CHAF1B: variants seen among roughly 807,000 people sequenced by gnomAD.
CHAF1B encodes the protein CAF-1 subunit B.
CHAF1B carries 10 observed loss-of-function variants against 60.7 expected under a neutral mutation model. The ratio of observed to expected loss-of-function variants is 0.16; its 90% CI spans 0.10 to 0.28. CHAF1B has a LOEUF of 0.28. CHAF1B is among the 10% of genes least tolerant of loss of function. The pLI, the probability that CHAF1B is intolerant of heterozygous loss-of-function variation, is 1.00. For missense variants in CHAF1B, 558 were observed against 708.4 expected (o/e 0.79, Z 2.41); for synonymous variants, 261 against 266.1 (o/e 0.98, Z 0.19).
At position 36,400,659 on chromosome 21, in the gene CHAF1B, G is replaced by A. The variant is rs562075255; in HGVS notation, c.663+1054G>A. Among the ~76,000 whole-genome samples the A allele has an allele frequency of 3.9e-5, 6 of 152,212 alleles. No individual in the cohort carries two copies. In the South Asian group the frequency reaches 6.2e-4, roughly 16 times the overall value. The stretch of plus-strand genomic sequence containing the variant: ...GCAACAGAAGACAGGCAGGTCGAGC[G>A]TTGGATCTGTCTGGCAGCAGGCAGT... On this transcript the variant is annotated intron_variant, in intron 7 of 13. Coordinates refer to ENST00000314103, the MANE Select transcript of CHAF1B (RefSeq NM_005441.3).
At chr21:36,401,628 A>G (rs1181221402) in intron 7 of CHAF1B, among the ~76,000 whole-genome samples, 3 of 138,848 alleles carry the variant, frequency 2.2e-5, no homozygotes, top group Admixed American at 7.9e-5. Flanking sequence ...ATATTTTTAT[A>G]TTATATATAA....
At chr21:36,415,684 A>T (rs1451376293) in intron 13 of CHAF1B, 1 of 467,754 alleles carries the variant, frequency 2.1e-6, no homozygotes, top group Admixed American at 3.2e-5. Flanking sequence ...GTTGTGGAGG[A>T]CTGTCCTGTG....
At chr21:36,388,286 C>A (rs2086052384) in intron 3 of CHAF1B, among the ~76,000 whole-genome samples, 1 of 152,114 alleles carries the variant, frequency 6.6e-6, no homozygotes, top group Non-Finnish European at 1.5e-5. Flanking sequence ...CAAGCTCCCA[C>A]CAGGCTGTTC....
Position 36,399,549 on chromosome 21 carries a change from A to C in CHAF1B, c.607A>C (p.Lys203Gln). 6.2e-7 allele frequency: 1 copy of C among 1,614,148 alleles called. No individual in the cohort carries two copies. The highest frequency in any genetic ancestry group is 8.5e-7 in the Non-Finnish European group (1 of 1,179,988). Residue 203 changes from lysine (K) to glutamine (Q), a missense_variant, in exon 7 of 14, where the codon AAG becomes CAG. Physicochemically the swap from Lys to Gln is moderately conservative, Grantham distance 53 (BLOSUM62 1). Transcript: ENST00000314103. The part of the protein sequence containing the change: ...RVLRVYSIQK[K>Q]RVAFNVSKML... ...GCTGCGAGTATACAGTATACAGAAG[A>C]AGCGTGTGGCTTTCAATGTTTCGAA...
intron 6 of CHAF1B, among the ~76,000 whole-genome samples, chr21:36,398,462 C>T (rs575712012): frequency 2.6e-5 from 4 of 152,220 alleles, no homozygotes; most frequent in Non-Finnish European, 4.4e-5. Flanking sequence ...TAGGTTCAAG[C>T]GATTCTCCTG....
intron 7 of CHAF1B, among the ~76,000 whole-genome samples, chr21:36,401,857 C>T (rs1569125442): frequency 6.6e-6 from 1 of 151,792 alleles, no homozygotes. Context: ...TCTCCTGCCT[C>T]AGCCTCCCGA....
At chr21:36,390,693 T>C (rs1235896754) in intron 3 of CHAF1B, among the ~76,000 whole-genome samples, 4 of 152,306 alleles carry the variant, frequency 2.6e-5, no homozygotes, top group Admixed American at 2.0e-4. Context: ...TCTTGCTCTG[T>C]CACTGAGGCT....
At chr21:36,385,531 G>T (rs1022405013) in intron 1 of CHAF1B, 80 bp downstream of exon 1, 1 of 151,902 alleles carries the variant, frequency 6.6e-6, no homozygotes, top group Non-Finnish European at 1.5e-5. Flanking sequence ...CCGAGGGCGG[G>T]CCCCTGGGCC....
chr21:36,391,463 CAA>C (rs376106303), intron 3 of CHAF1B, 86 bp from the exon 4 acceptor site: 12,309 of 500,486 alleles, frequency 0.025, no homozygotes, highest in South Asian at 0.037. Flanking sequence ...GACTCCGTCT[CAA>C]AAAAAAAAAA....
At chr21:36,400,885 G>A (rs769547801) in intron 7 of CHAF1B, among the ~76,000 whole-genome samples, 6 of 152,182 alleles carry the variant, frequency 3.9e-5, no homozygotes, top group Non-Finnish European at 7.3e-5. Context: ...TTCACACGGG[G>A]ACATGGTGCA....
intron 9 of CHAF1B, among the ~76,000 whole-genome samples, 156 bp from the exon 10 acceptor site, chr21:36,409,218 C>T (rs2086259186): frequency 7.3e-6 from 1 of 136,120 alleles, no homozygotes; most frequent in African/African-American, 2.8e-5. Context: ...CCAGGCTGGT[C>T]TTGAACTCCT....
intron 4 of CHAF1B, among the ~76,000 whole-genome samples, chr21:36,392,324 T>G (rs1002330828): frequency 1.3e-5 from 2 of 152,212 alleles, no homozygotes; most frequent in African/African-American, 4.8e-5. Flanking sequence ...TGTCTACCTC[T>G]TTCTACACAG....
chr21:36,406,389 G>A (rs1294121061), intron 8 of CHAF1B, among the ~76,000 whole-genome samples: 1 of 152,094 alleles, frequency 6.6e-6, no homozygotes, highest in South Asian at 2.1e-4. Context: ...GAGTTCAAGT[G>A]ATTCTTCTGC....
rs1352622897 is a variant in CHAF1B, at chr21:36,386,132, G to C, written c.-5G>C. On this transcript the variant is annotated 5_prime_UTR_variant, in exon 2 of 14. Coordinates refer to ENST00000314103, the MANE Select transcript of CHAF1B (RefSeq NM_005441.3). Reference sequence around the variant, plus strand: ...AAACGTTTTTCCCCTTCGAGACTCAGGAGGATGAAAGTCATCACTTGTGAA... The same window carrying C: ...AAACGTTTTTCCCCTTCGAGACTCACGAGGATGAAAGTCATCACTTGTGAA... 2 of 1,613,906 alleles carry C rather than the reference G, an allele frequency of 1.2e-6. No homozygotes were observed. The highest frequency in any genetic ancestry group is 2.7e-5 in the African/African-American group (2 of 74,912).
In CHAF1B at chr21:36,416,396, C is replaced by G; in HGVS notation, c.*30C>G. ...ACCTCGGCTTCTGCTCGAAGCCTACCAGGCTCCCGGTGTGTGCAGGGAGAC... is the reference window on the plus strand; with the variant it reads ...ACCTCGGCTTCTGCTCGAAGCCTACGAGGCTCCCGGTGTGTGCAGGGAGAC... On this transcript the variant is annotated 3_prime_UTR_variant, in exon 14 of 14. Coordinates refer to ENST00000314103, the MANE Select transcript of CHAF1B (RefSeq NM_005441.3). 1 of 1,585,214 alleles carries G rather than the reference C, an allele frequency of 6.3e-7. No homozygotes were observed. The highest frequency in any genetic ancestry group is 8.6e-7 in the Non-Finnish European group (1 of 1,157,860).
At chr21:36,411,712 C>A in intron 11 of CHAF1B, 108 bp downstream of exon 11, 1 of 1,251,288 alleles carries the variant, frequency 8.0e-7, no homozygotes, top group Non-Finnish European at 1.1e-6. Context: ...CTTTGGGGGA[C>A]ATATTCACCA....
intron 4 of CHAF1B, among the ~76,000 whole-genome samples, chr21:36,394,310 T>C (rs935723519): frequency 3.3e-5 from 5 of 151,784 alleles, no homozygotes; most frequent in African/African-American, 1.2e-4. Flanking sequence ...CTCCCGACCT[T>C]GTGATCTGCC....
chr21:36,407,804 C>T (rs2086249453), intron 8 of CHAF1B, among the ~76,000 whole-genome samples: 1 of 151,926 alleles, frequency 6.6e-6, no homozygotes, highest in Non-Finnish European at 1.5e-5. Context: ...ATGGTGAAAC[C>T]CCCTCTCTAC....
At chr21:36,410,881 G>A (rs767147374) in intron 10 of CHAF1B, among the ~76,000 whole-genome samples, 42 of 151,720 alleles carry the variant, frequency 2.8e-4, no homozygotes, top group Non-Finnish European at 4.9e-4. Context: ...GTCTGGTTTC[G>A]AACTCCTGAC....
Sources: allele counts gnomAD v4.1 joint callset (sites outside exome capture counted in the v4.1 genomes callset), GRCh38; gene constraint gnomAD v4.1.1; transcripts MANE v1.5; gene names NCBI Gene and HGNC (gene_info 2026-07-23, HGNC 2026-07-21).